Variants in KIF6 observed in about 807,000 individuals in gnomAD.
KIF6 encodes kinesin-like protein KIF6.
KIF6 carries 106 observed loss-of-function variants against 112.7 expected under a neutral mutation model. The observed-to-expected ratio is 0.94, with a 90% CI of 0.80 to 1.11. The LOEUF (loss-of-function observed/expected upper bound fraction) is 1.11. Ranked by LOEUF, KIF6 falls within the 50% of genes least tolerant of loss-of-function variation. The pLI, the probability that KIF6 is intolerant of heterozygous loss-of-function variation, is 0.00. For missense variants in KIF6, 929 were observed against 964.0 expected, an observed-to-expected ratio of 0.96 and a Z score of 0.48; for synonymous variants, 339 against 339.9, an observed-to-expected ratio of 1.00 and a Z score of 0.03.
intron 15 of KIF6, among the ~76,000 whole-genome samples, chr6:39,410,823 C>T (rs963494426): frequency 6.6e-6 from 1 of 152,148 alleles, no homozygotes; most frequent in Non-Finnish European, 1.5e-5. Flanking sequence ...AGAGCATATG[C>T]GATATCAATT....
At chr6:39,600,634 C>G (rs1782518940) in intron 6 of KIF6, among the ~76,000 whole-genome samples, 1 of 152,144 alleles carries the variant, frequency 6.6e-6, no homozygotes, top group Admixed American at 6.6e-5. Flanking sequence ...GTCACTTTCT[C>G]CTTCTCTATC....
In KIF6 at chr6:39,435,057, G is replaced by A. The variant is rs80216709; in HGVS notation, c.1646-3896C>T. 6.1e-3 allele frequency among the ~76,000 whole-genome samples: 935 copies of A among 152,234 alleles called. 8 individuals carry two copies. Among genetic ancestry groups the A allele is most frequent in the African/African-American group, 0.021 (885 of 41,534 alleles). ...AGGAAACTGAGGCTTACATAAATAA[G>A]TGATTATAAAGGGGTGAAAAATGCC... On this transcript the variant is annotated intron_variant, in intron 13 of 22. Coordinates refer to ENST00000287152, the MANE Select transcript of KIF6 (RefSeq NM_145027.6).
chr6:39,343,258 C>A lies in KIF6; in HGVS notation c.2428+451G>T. ...TGTTATGGTGTCCTCGGGCCTGGGC[C>A]TTCAAGCAGTGTTTACACTCACAGC... On this transcript the variant is annotated intron_variant, in intron 22 of 22. Transcript: ENST00000287152. This position sits in a 1 kb window ranked among gnomAD's most constrained non-coding sequence, Gnocchi z 4.1. The A allele has an allele frequency of 5.5e-6, 7 of 1,280,622 alleles. No individual in the cohort carries two copies. The highest frequency in any genetic ancestry group is 7.1e-6 in the Non-Finnish European group (7 of 985,182). 79.3% of individuals were successfully genotyped at this position (1,280,622 alleles called of 1,614,324 possible).
chr6:39,550,165 G>A (rs1466176644), intron 10 of KIF6, among the ~76,000 whole-genome samples: 1 of 152,196 alleles, frequency 6.6e-6, no homozygotes, highest in Non-Finnish European at 1.5e-5. Context: ...TACATTGAGT[G>A]TGATTAAGAT....
At chr6:39,557,668 AT>A (rs1030248927) in intron 10 of KIF6, among the ~76,000 whole-genome samples, 7 of 151,690 alleles carry the variant, frequency 4.6e-5, no homozygotes, top group African/African-American at 1.5e-4. Flanking sequence ...TTTTGTATAT[AT>A]TTTTTTTGGA....
At chr6:39,421,025 T>A (rs923747476) in intron 14 of KIF6, among the ~76,000 whole-genome samples, 1 of 152,196 alleles carries the variant, frequency 6.6e-6, no homozygotes, top group Non-Finnish European at 1.5e-5. Flanking sequence ...CTATACATAG[T>A]GGGCCCTCAT....
At chr6:39,611,373 G>T (rs1783206565) in intron 6 of KIF6, among the ~76,000 whole-genome samples, 1 of 152,072 alleles carries the variant, frequency 6.6e-6, no homozygotes, top group Non-Finnish European at 1.5e-5. Flanking sequence ...GGTAAGACAG[G>T]TAAGTTTCAC....
intron 13 of KIF6, among the ~76,000 whole-genome samples, chr6:39,525,617 T>C (rs1582049717): frequency 6.6e-6 from 1 of 151,842 alleles, no homozygotes; most frequent in East Asian, 1.9e-4. Flanking sequence ...TAGCTGGGCA[T>C]GGTGGTGGGT....
At chr6:39,723,091 G>T (rs1790320139) in intron 1 of KIF6, among the ~76,000 whole-genome samples, 1 of 152,124 alleles carries the variant, frequency 6.6e-6, no homozygotes, top group Non-Finnish European at 1.5e-5. Flanking sequence ...GAATCTGGGG[G>T]GAAATGTTAC....
rs563943792 is a variant in KIF6, at chr6:39,598,801, T to C, written c.640-2541A>G. Among the ~76,000 whole-genome samples the C allele has an allele frequency of 7.2e-5, 11 of 152,202 alleles. 1 individual carries two copies. The highest frequency in any genetic ancestry group is 1.4e-4 in the African/African-American group (6 of 41,546). ...GATGTTAAAATAAAGCAACTTGGGA[T>C]AGATTGACATAAATGGATTTCTAAA... is the stretch of plus-strand genomic sequence containing the variant. On this transcript the variant is annotated intron_variant, in intron 6 of 22. Transcript: ENST00000287152.
chr6:39,575,503 T>C (rs1295544783), intron 10 of KIF6, among the ~76,000 whole-genome samples: 14 of 152,048 alleles, frequency 9.2e-5, no homozygotes, highest in Non-Finnish European at 1.5e-4. Context: ...ATCTCCTGAC[T>C]TTGTGATCCG....
chr6:39,567,326 G>A (rs1780344593), intron 10 of KIF6, among the ~76,000 whole-genome samples: 2 of 152,158 alleles, frequency 1.3e-5, no homozygotes, highest in Non-Finnish European at 2.9e-5. Flanking sequence ...TGATATAAAT[G>A]CTCATGCATG....
In KIF6 at chr6:39,335,814, C is replaced by T. The variant is rs1762891823; in HGVS notation, c.*718G>A. On this transcript the variant is annotated 3_prime_UTR_variant, in exon 23 of 23. Transcript: ENST00000287152. ...AAGGTTGTGAGGCCCAAGGTACCCA[C>T]ACTGCCCTCTCTCAAGCTCTCAGCA... 6.6e-6 allele frequency: 1 copy of T among 152,466 alleles called. No individual in the cohort carries two copies. Among genetic ancestry groups the T allele is most frequent in the South Asian group, 2.1e-4 (1 of 4,834 alleles). The allele number at this position is 152,466 out of a possible 1,614,324, so 9.4% of individuals were successfully genotyped here. A position where few individuals can be genotyped will look rare whatever the true frequency, so the allele number is the denominator to read the frequency against.
intron 22 of KIF6, among the ~76,000 whole-genome samples, chr6:39,339,013 G>A (rs1195669322): frequency 6.6e-6 from 1 of 152,094 alleles, no homozygotes; most frequent in African/African-American, 2.4e-5. Flanking sequence ...TCTGCCCCAA[G>A]ACATAGCTCC....
chr6:39,435,593 G>A (rs1447677252), intron 13 of KIF6, among the ~76,000 whole-genome samples: 3 of 147,074 alleles, frequency 2.0e-5, no homozygotes, highest in Non-Finnish European at 4.4e-5. Context: ...CATACCCATA[G>A]CTTAGCTCCC....
At chr6:39,490,383 T>C (rs761675578) in intron 13 of KIF6, among the ~76,000 whole-genome samples, 13 of 152,190 alleles carry the variant, frequency 8.5e-5, no homozygotes, top group African/African-American at 2.2e-4. Context: ...AACACATCTT[T>C]ATTGGTGAGT....
At chr6:39,544,754 G>T in intron 11 of KIF6, 61 bp from the exon 12 acceptor site, 2 of 1,059,618 alleles carry the variant, frequency 1.9e-6, no homozygotes, top group Non-Finnish European at 1.4e-6. Flanking sequence ...TTGTTTCTTT[G>T]ACTCTTTTTC....
At chr6:39,442,545 C>T (rs1409057997) in intron 13 of KIF6, among the ~76,000 whole-genome samples, 1 of 152,198 alleles carries the variant, frequency 6.6e-6, no homozygotes, top group Non-Finnish European at 1.5e-5. Flanking sequence ...CATTTTGGAG[C>T]CAGCTTAGGC....
At chr6:39,390,827 G>A (rs1767818395) in intron 15 of KIF6, among the ~76,000 whole-genome samples, 1 of 152,192 alleles carries the variant, frequency 6.6e-6, no homozygotes, top group Non-Finnish European at 1.5e-5. Context: ...CAGCTGTCAT[G>A]TGAGAAGCAG....
Sources: gnomAD v4.1 joint callset for allele counts (sites outside exome capture counted in the v4.1 genomes callset) on GRCh38, gnomAD v4.1.1 for gene constraint, Gnocchi (gnomAD v3.1) non-coding constraint, MANE v1.5 for transcripts, NCBI Gene and HGNC (gene_info 2026-07-23, HGNC 2026-07-21) for gene names.